The following DDI1 variants were observed in gnomAD, a reference collection of about 807,000 sequenced individuals.
DDI1 encodes DDI proteasomal shuttling factor 1.
DDI1 carries 6 observed loss-of-function variants against 7.2 expected under a neutral mutation model. That is an observed-to-expected ratio of 0.83 (90% CI 0.46 to 1.64). The LOEUF is 1.64. Among genes scored for constraint, DDI1 ranks in the 40% most tolerant of loss-of-function variants. The pLI, the probability that DDI1 is intolerant of heterozygous loss-of-function variation, is 0.01. For synonymous variants in DDI1, 221 were observed against 201.7 expected (o/e 1.10, Z -0.81); for missense variants, 502 against 516.6 (o/e 0.97, Z 0.27).
rs1860287886 is a variant in DDI1, at chr11:104,038,292, T to A, written c.*279T>A. ...ATCCATGAAAAAGAAAACCAGCTTCTTCCTTTAGAGACACTATCCTATCAG... is the reference window on the plus strand; with the variant it reads ...ATCCATGAAAAAGAAAACCAGCTTCATCCTTTAGAGACACTATCCTATCAG... On this transcript the variant is annotated 3_prime_UTR_variant, in exon 1 of 1. Transcript: ENST00000302259. The A allele has an allele frequency of 2.6e-6, 1 of 390,560 alleles. No homozygotes were observed. Among genetic ancestry groups the A allele is most frequent in the Non-Finnish European group, 4.8e-6 (1 of 207,686 alleles). 24.2% of individuals were successfully genotyped at this position (390,560 alleles called of 1,614,324 possible). A position where few individuals can be genotyped will look rare whatever the true frequency, so the allele number is the denominator to read the frequency against.
Position 104,036,730 on chromosome 11 carries a change from T to C in DDI1, c.-93T>C. On this transcript the variant is annotated 5_prime_UTR_variant, in exon 1 of 1. Coordinates refer to ENST00000302259, the MANE Select transcript of DDI1 (RefSeq NM_001001711.3). ...CGGACGGTCCCTACCTACCAAGTCCTGAGGAGCAGCGGCACCAACGACGCA... is the reference window on the plus strand; with the variant it reads ...CGGACGGTCCCTACCTACCAAGTCCCGAGGAGCAGCGGCACCAACGACGCA... The C allele has an allele frequency of 4.1e-6, 4 of 980,690 alleles. No individual in the cohort carries two copies. The highest frequency in any genetic ancestry group is 6.2e-6 in the Non-Finnish European group (4 of 641,378). 60.7% of individuals were successfully genotyped at this position (980,690 alleles called of 1,614,324 possible). A position where few individuals can be genotyped will look rare whatever the true frequency, so the allele number is the denominator to read the frequency against.
In DDI1 at chr11:104,038,030, G is replaced by A. The variant is rs1169937262; in HGVS notation, c.*17G>A. On this transcript the variant is annotated 3_prime_UTR_variant, in exon 1 of 1. Transcript: ENST00000302259. ...GAGCATTAAAGCACGTTATAAATATGTTACCACCTTGAGGGAGCCTCAGGT... is the reference window on the plus strand; with the variant it reads ...GAGCATTAAAGCACGTTATAAATATATTACCACCTTGAGGGAGCCTCAGGT... 1.3e-6 allele frequency: 2 copies of A among 1,598,244 alleles called. No homozygotes were observed. Among genetic ancestry groups the A allele is most frequent in the Non-Finnish European group, 1.7e-6 (2 of 1,169,366 alleles).
In DDI1 at chr11:104,037,220, A is replaced by C. The variant is rs760953643; in HGVS notation, c.398A>C (p.Lys133Thr). ...TCACAGGGCTTGGCGTCAGGAGAGAAGGTGGCCGGCCTGCAAGGTCTGGGC... is the reference window on the plus strand; with the variant it reads ...TCACAGGGCTTGGCGTCAGGAGAGACGGTGGCCGGCCTGCAAGGTCTGGGC... ...QRSQGLASGEKVAGLQGLGSP... is the reference protein window; with the variant it reads ...QRSQGLASGETVAGLQGLGSP... The change falls in exon 1 of 1, where the codon AAG becomes ACG. Residue 133 changes from lysine to threonine, a missense_variant. Transcript: ENST00000302259. 6 of 1,613,726 alleles carry C rather than the reference A, an allele frequency of 3.7e-6. No homozygotes were observed. Among genetic ancestry groups the C allele is most frequent in the Non-Finnish European group, 5.1e-6 (6 of 1,179,970 alleles).
Position 104,037,323 on chromosome 11 carries a change from G to GGCGGAAGCCCTGCTCA in DDI1, c.511_526dup (p.Leu176ProfsTer7). On this transcript the variant is annotated frameshift_variant, in exon 1 of 1. Coordinates refer to ENST00000302259, the MANE Select transcript of DDI1 (RefSeq NM_001001711.3). LOFTEE classifies it high-confidence loss of function. ...TGCTCAAGGAACGCAACCCTCCCTT[G>GGCGGAAGCCCTGCTCA]GCGGAAGCCCTGCTCAGCGGAAGCC... 6.2e-7 allele frequency: 1 copy of GGCGGAAGCCCTGCTCA among 1,613,794 alleles called. No individual in the cohort carries two copies. Among genetic ancestry groups the GGCGGAAGCCCTGCTCA allele is most frequent in the African/African-American group, 1.3e-5 (1 of 75,056 alleles).
chr11:104,038,206 T>C lies in DDI1; in HGVS notation c.*193T>C, dbSNP rs1236493254. The C allele has an allele frequency of 8.2e-6, 5 of 609,664 alleles. No individual in the cohort carries two copies. Among genetic ancestry groups the C allele is most frequent in the Non-Finnish European group, 1.4e-5 (5 of 349,390 alleles). 37.8% of individuals were successfully genotyped at this position (609,664 alleles called of 1,614,324 possible). ...CTTGGTCCCTCTTCCATTTCCCTTG[T>C]CCAGAGATCACTGAAAGGCATCCTG... is the stretch of plus-strand genomic sequence containing the variant. On this transcript the variant is annotated 3_prime_UTR_variant, in exon 1 of 1. Transcript: ENST00000302259.
chr11:104,037,257 G>C lies in DDI1; in HGVS notation c.435G>C (p.Leu145=). The C allele has an allele frequency of 1.9e-6, 3 of 1,613,690 alleles. No individual in the cohort carries two copies. Among genetic ancestry groups the C allele is most frequent in the Non-Finnish European group, 2.5e-6 (3 of 1,179,822 alleles). Residue 145 remains leucine (L), a synonymous_variant, in exon 1 of 1, where the codon CTG becomes CTC. Transcript: ENST00000302259. The part of the protein sequence containing the change: ...AGLQGLGSPA[L]IRSMLLSNPH... ...TGCAAGGTCTGGGCAGCCCCGCCCT[G>C]ATCCGCAGCATGCTGCTCTCCAACC...
chr11:104,036,841 T>C lies in DDI1; in HGVS notation c.19T>C (p.Cys7Arg). ...CCCCGCCATGCTGATCACCGTGTACTGCGTGCGGAGGGACCTCTCCGAGGT... is the reference window on the plus strand; with the variant it reads ...CCCCGCCATGCTGATCACCGTGTACCGCGTGCGGAGGGACCTCTCCGAGGT... MLITVYCVRRDLSEVTF... is the reference protein window; with the variant it reads MLITVYRVRRDLSEVTF... The change falls in exon 1 of 1, where the codon TGC becomes CGC. Residue 7 changes from cysteine to arginine, a missense_variant. By Grantham distance (180) the Cys-to-Arg change is radical. Coordinates refer to ENST00000302259, the MANE Select transcript of DDI1 (RefSeq NM_001001711.3). 2 of 1,614,008 alleles carry C rather than the reference T, an allele frequency of 1.2e-6. No homozygotes were observed. Among genetic ancestry groups the C allele is most frequent in the South Asian group, 2.2e-5 (2 of 91,078 alleles).
In DDI1 at chr11:104,037,173, G is replaced by C; in HGVS notation, c.351G>C (p.Gln117His). 2 of 1,613,618 alleles carry C rather than the reference G, an allele frequency of 1.2e-6. No individual in the cohort carries two copies. The highest frequency in any genetic ancestry group is 1.3e-5 in the African/African-American group (1 of 75,058). ...SRPQHPGQQQ[Q>H]RTPAAQRSQG... ...CACAGCACCCTGGACAGCAGCAGCA[G>C]CGCACACCCGCTGCCCAGCGGTCAC... Residue 117 changes from glutamine to histidine, a missense_variant, in exon 1 of 1, where the codon CAG (glutamine) becomes CAC (histidine). Physicochemically the swap from Gln to His is conservative, Grantham distance 24. Coordinates refer to ENST00000302259, the MANE Select transcript of DDI1 (RefSeq NM_001001711.3).
rs541398093 is a variant in DDI1, at chr11:104,038,107, A to T, written c.*94A>T. On this transcript the variant is annotated 3_prime_UTR_variant, in exon 1 of 1. Coordinates refer to ENST00000302259, the MANE Select transcript of DDI1 (RefSeq NM_001001711.3). Reference sequence around the variant, plus strand: ...ACTGGCAATGTAATCATTAAAAAACATCAGTAACAACTAAACCTGGCCTTG... The same window carrying T: ...ACTGGCAATGTAATCATTAAAAAACTTCAGTAACAACTAAACCTGGCCTTG... The T allele has an allele frequency of 1.9e-4, 245 of 1,284,750 alleles. No homozygotes were observed. Among genetic ancestry groups the T allele is most frequent in the Non-Finnish European group, 2.5e-4 (237 of 940,000 alleles). The allele number at this position is 1,284,750 out of a possible 1,614,324, so 79.6% of individuals were successfully genotyped here.
chr11:104,037,956 G>C lies in DDI1; in HGVS notation c.1134G>C (p.Glu378Asp). ...LCSRMVSGQD[E>D]SSDKEITHSV... is the part of the protein sequence containing the mutation. Reference sequence around the variant, plus strand: ...CTAGGATGGTAAGTGGGCAAGATGAGTCTTCGGACAAGGAAATTACACATT... The same window carrying C: ...CTAGGATGGTAAGTGGGCAAGATGACTCTTCGGACAAGGAAATTACACATT... Residue 378 changes from glutamate (E) to aspartate (D), a missense_variant, in exon 1 of 1, where the codon GAG (glutamate) becomes GAC (aspartate). Coordinates refer to ENST00000302259, the MANE Select transcript of DDI1 (RefSeq NM_001001711.3). 6.2e-7 allele frequency: 1 copy of C among 1,614,128 alleles called. No individual in the cohort carries two copies.
Position 104,037,181 on chromosome 11 carries a change from C to T in DDI1, c.359C>T (p.Pro120Leu), listed in dbSNP as rs367724539. The change falls in exon 1 of 1, where the codon CCC becomes CTC. Residue 120 changes from proline (P) to leucine (L), a missense_variant. Coordinates refer to ENST00000302259, the MANE Select transcript of DDI1 (RefSeq NM_001001711.3). ...CCTGGACAGCAGCAGCAGCGCACAC[C>T]CGCTGCCCAGCGGTCACAGGGCTTG... The part of the protein sequence containing the change: ...QHPGQQQQRT[P>L]AAQRSQGLAS... 2 of 1,613,524 alleles carry T rather than the reference C, an allele frequency of 1.2e-6. No individual in the cohort carries two copies. The highest frequency in any genetic ancestry group is 1.7e-6 in the Non-Finnish European group (2 of 1,179,990).
At position 104,037,194 on chromosome 11, in the gene DDI1, G is replaced by T. The variant is rs142866478; in HGVS notation, c.372G>T (p.Arg124=). 44 of 1,613,572 alleles carry T rather than the reference G, an allele frequency of 2.7e-5. No individual in the cohort carries two copies. In the African/African-American group the frequency reaches 5.6e-4, roughly 21 times the overall value. The change falls in exon 1 of 1, where the codon CGG becomes CGT. Residue 124 remains arginine (R), a synonymous_variant. Coordinates refer to ENST00000302259, the MANE Select transcript of DDI1 (RefSeq NM_001001711.3). Reference sequence around the variant, plus strand: ...AGCAGCGCACACCCGCTGCCCAGCGGTCACAGGGCTTGGCGTCAGGAGAGA... The same window carrying T: ...AGCAGCGCACACCCGCTGCCCAGCGTTCACAGGGCTTGGCGTCAGGAGAGA... ...QQQQRTPAAQ[R]SQGLASGEKV... is the part of the protein sequence containing the mutation.
chr11:104,036,922 TGCGAA>T lies in DDI1; in HGVS notation c.104_108del (p.Glu35GlyfsTer141), dbSNP rs2134394683. 1 of 1,614,192 alleles carries T rather than the reference TGCGAA, an allele frequency of 6.2e-7. No individual in the cohort carries two copies. Among genetic ancestry groups the T allele is most frequent in the South Asian group, 1.1e-5 (1 of 91,088 alleles). ...TGAGCTCCGAAACTTCAAGGTCCTCTGCGAAGCGGAGTCCAGAGTCCCCGTCGAAG... is the reference window on the plus strand; with the variant it reads ...TGAGCTCCGAAACTTCAAGGTCCTCTGCGGAGTCCAGAGTCCCCGTCGAAG... On this transcript the variant is annotated frameshift_variant, in exon 1 of 1. Transcript: ENST00000302259. LOFTEE classifies it low-confidence loss of function (END_TRUNC).
Position 104,037,069 on chromosome 11 carries a change from C to A in DDI1, c.247C>A (p.Arg83=), listed in dbSNP as rs1167326410. Reference sequence around the variant, plus strand: ...ACTGCAGAAGGACAATGTGGGACCTCGGGCTCCAGGGCGTGCCCCGAACCA... The same window carrying A: ...ACTGCAGAAGGACAATGTGGGACCTAGGGCTCCAGGGCGTGCCCCGAACCA... ...VLLQKDNVGP[R]APGRAPNQPR... The change falls in exon 1 of 1, where the codon CGG becomes AGG. Residue 83 remains arginine (R), a synonymous_variant. Transcript: ENST00000302259. 1 of 1,614,232 alleles carries A rather than the reference C, an allele frequency of 6.2e-7. No homozygotes were observed. Among genetic ancestry groups the A allele is most frequent in the South Asian group, 1.1e-5 (1 of 91,090 alleles).
At position 104,037,953 on chromosome 11, in the gene DDI1, T is replaced by A. The variant is rs1411380316; in HGVS notation, c.1131T>A (p.Asp377Glu). 16 of 1,614,054 alleles carry A rather than the reference T, an allele frequency of 9.9e-6. No individual in the cohort carries two copies. The highest frequency in any genetic ancestry group is 1.2e-5 in the Non-Finnish European group (14 of 1,180,042). The change falls in exon 1 of 1, where the codon GAT becomes GAA. Residue 377 changes from aspartate to glutamate, a missense_variant. Asp to Glu is a conservative substitution (Grantham distance 45). Transcript: ENST00000302259. ...PLCSRMVSGQ[D>E]ESSDKEITHS... ...GCTCTAGGATGGTAAGTGGGCAAGATGAGTCTTCGGACAAGGAAATTACAC... is the reference window on the plus strand; with the variant it reads ...GCTCTAGGATGGTAAGTGGGCAAGAAGAGTCTTCGGACAAGGAAATTACAC...
chr11:104,037,857 G>T lies in DDI1; in HGVS notation c.1035G>T (p.Lys345Asn). ...GACATCAATGTTCCATCGATTTGAA[G>T]AAAAATGTGCTGGTCATCGGCACCA... The part of the protein sequence containing the change: ...LRRHQCSIDL[K>N]KNVLVIGTTG... Residue 345 changes from lysine (K) to asparagine (N), a missense_variant, in exon 1 of 1, where the codon AAG (lysine) becomes AAT (asparagine). By Grantham distance (94) the Lys-to-Asn change is moderately conservative. Coordinates refer to ENST00000302259, the MANE Select transcript of DDI1 (RefSeq NM_001001711.3). 1 of 1,614,146 alleles carries T rather than the reference G, an allele frequency of 6.2e-7. No homozygotes were observed. The highest frequency in any genetic ancestry group is 8.5e-7 in the Non-Finnish European group (1 of 1,180,022).
Position 104,037,955 on chromosome 11 carries a change from A to G in DDI1, c.1133A>G (p.Glu378Gly), listed in dbSNP as rs116046777. ...LCSRMVSGQD[E>G]SSDKEITHSV... ...TCTAGGATGGTAAGTGGGCAAGATG[A>G]GTCTTCGGACAAGGAAATTACACAT... Residue 378 changes from glutamate to glycine, a missense_variant, in exon 1 of 1, where the codon GAG becomes GGG. Glu to Gly is a moderately conservative substitution (Grantham distance 98, BLOSUM62 -2). Coordinates refer to ENST00000302259, the MANE Select transcript of DDI1 (RefSeq NM_001001711.3). 234 of 1,614,176 alleles carry G rather than the reference A, an allele frequency of 1.4e-4. 1 individual carries two copies. The South Asian group carries it at 2.0e-3, about 14-fold the overall frequency.
chr11:104,038,901 C>T lies in DDI1; in HGVS notation c.*888C>T, dbSNP rs1180478847. Reference sequence around the variant, plus strand: ...TTTCAAAGTAAAAATCTGCTTTATACATTAAGCTGCTGCTACATCAGTATT... The same window carrying T: ...TTTCAAAGTAAAAATCTGCTTTATATATTAAGCTGCTGCTACATCAGTATT... On this transcript the variant is annotated 3_prime_UTR_variant, in exon 1 of 1. Coordinates refer to ENST00000302259, the MANE Select transcript of DDI1 (RefSeq NM_001001711.3). 1 of 167,042 alleles carries T rather than the reference C, an allele frequency of 6.0e-6. No individual in the cohort carries two copies. The allele number at this position is 167,042 out of a possible 1,614,324, so 10.3% of individuals were successfully genotyped here.
At position 104,037,124 on chromosome 11, in the gene DDI1, T is replaced by C; in HGVS notation, c.302T>C (p.Val101Ala). 2 of 1,613,992 alleles carry C rather than the reference T, an allele frequency of 1.2e-6. No individual in the cohort carries two copies. The highest frequency in any genetic ancestry group is 1.7e-6 in the Non-Finnish European group (2 of 1,180,010). ...CGTGTAGACTTCAGTGGCATTGCGG[T>C]GCCTGGGACGTCCAGCTCCCGTCCA... is the stretch of plus-strand genomic sequence containing the variant. ...QPRVDFSGIA[V>A]PGTSSSRPQH... Residue 101 changes from valine to alanine, a missense_variant, in exon 1 of 1, where the codon GTG (valine) becomes GCG (alanine). Val to Ala is a moderately conservative substitution (Grantham distance 64). Transcript: ENST00000302259.
Sources: gnomAD v4.1 joint callset for allele counts on GRCh38, gnomAD v4.1.1 for gene constraint, MANE v1.5 for transcripts, NCBI Gene and HGNC (gene_info 2026-07-23, HGNC 2026-07-21) for gene names.